The following FSTL5 variants were observed in gnomAD, a reference collection of about 807,000 sequenced individuals.
FSTL5 encodes follistatin-related protein 5.
FSTL5 carries 62 observed loss-of-function variants against 89.1 expected under a neutral mutation model. The observed-to-expected ratio is 0.70, with a 90% CI of 0.57 to 0.86. The LOEUF (loss-of-function observed/expected upper bound fraction) is 0.86, where lower values mean the gene tolerates loss of function less well. Ranked by LOEUF, FSTL5 falls within the 40% of genes least tolerant of loss-of-function variation. FSTL5 has a pLI of 0.00. For synonymous variants in FSTL5, 383 were observed against 346.2 expected (o/e 1.11, Z -1.18); for missense variants, 1,057 against 1,001.6 (o/e 1.06, Z -0.75).
chr4:162,143,813 CACACACATACAA>C (rs1241614107), intron 1 of FSTL5, among the ~76,000 whole-genome samples: 78 of 144,412 alleles, frequency 5.4e-4, no homozygotes, highest in Middle Eastern at 3.5e-3. Flanking sequence ...CACACACACA[CACACACATACAA>C]ACACACACGG....
chr4:161,857,582 T>G (rs1306706331), intron 4 of FSTL5, among the ~76,000 whole-genome samples: 1 of 152,160 alleles, frequency 6.6e-6, no homozygotes, highest in Non-Finnish European at 1.5e-5. Context: ...CAAATATATC[T>G]CTGCAAGCCT....
At chr4:161,567,040 T>C (rs1732841098) in intron 8 of FSTL5, among the ~76,000 whole-genome samples, 2 of 152,104 alleles carry the variant, frequency 1.3e-5, no homozygotes, top group South Asian at 2.1e-4. Context: ...TACAATAAAG[T>C]ATGCTAAATA....
chr4:161,750,561 A>G (rs1189381045), intron 6 of FSTL5, among the ~76,000 whole-genome samples: 2 of 152,038 alleles, frequency 1.3e-5, no homozygotes, highest in African/African-American at 4.8e-5. Flanking sequence ...TTTTTTGTTT[A>G]TATTATGTTT....
intron 15 of FSTL5, among the ~76,000 whole-genome samples, chr4:161,441,809 C>T (rs1419581631): frequency 6.6e-6 from 1 of 152,044 alleles, no homozygotes; most frequent in Non-Finnish European, 1.5e-5. Context: ...TGAATTTTCT[C>T]TTCTTGGTAG....
chr4:162,088,212 CTTA>C, intron 2 of FSTL5, among the ~76,000 whole-genome samples: 1 of 110,448 alleles, frequency 9.1e-6, no homozygotes, highest in East Asian at 2.5e-4. Context: ...CAAATTGTGA[CTTA>C]TTAATAATAT....
At chr4:161,963,587 C>T (rs2110987202) in intron 3 of FSTL5, among the ~76,000 whole-genome samples, 1 of 152,002 alleles carries the variant, frequency 6.6e-6, no homozygotes, top group Middle Eastern at 3.4e-3. Context: ...TTTCTTTAAC[C>T]TGTATGCTTC....
chr4:161,647,197 C>T (rs1003171026), intron 7 of FSTL5, among the ~76,000 whole-genome samples: 8 of 152,028 alleles, frequency 5.3e-5, no homozygotes, highest in Admixed American at 3.9e-4. Flanking sequence ...GACAAAAGTC[C>T]AACCTGATAC....
chr4:161,605,047 G>C (rs970745507), intron 7 of FSTL5, among the ~76,000 whole-genome samples: 30 of 152,108 alleles, frequency 2.0e-4, no homozygotes, highest in Admixed American at 3.9e-4. Flanking sequence ...GCCAAGCTAA[G>C]AAAACAAATG....
At chr4:161,610,718 A>G (rs1278171169) in intron 7 of FSTL5, among the ~76,000 whole-genome samples, 2 of 152,164 alleles carry the variant, frequency 1.3e-5, no homozygotes. Context: ...TTGAAATGAT[A>G]AAGGGAGCCT....
chr4:161,705,950 GTGTATATATATATATA>G (rs1483518963), intron 6 of FSTL5, among the ~76,000 whole-genome samples: 14 of 18,606 alleles, frequency 7.5e-4, no homozygotes, highest in African/African-American at 1.7e-3. Flanking sequence ...GTGTAGATGT[GTGTATATATATATATA>G]TATATATATA....
At chr4:161,644,719 G>A (rs1736087041) in intron 7 of FSTL5, among the ~76,000 whole-genome samples, 1 of 152,078 alleles carries the variant, frequency 6.6e-6, no homozygotes. Context: ...GGATTTTAAA[G>A]GGAAAGTGAA....
chr4:161,769,849 A>C (rs1741146779), intron 5 of FSTL5, among the ~76,000 whole-genome samples: 1 of 151,942 alleles, frequency 6.6e-6, no homozygotes, highest in Non-Finnish European at 1.5e-5. Flanking sequence ...ATTTGGAAAG[A>C]AAGAAGTCAA....
chr4:161,717,092 T>G (rs1279521721), intron 6 of FSTL5, among the ~76,000 whole-genome samples: 2 of 152,310 alleles, frequency 1.3e-5, no homozygotes, highest in East Asian at 3.9e-4. Flanking sequence ...TTTAGATAAT[T>G]GTTTTTGGTA....
chr4:161,461,852 C>A lies in FSTL5; in HGVS notation c.1609-2533G>T, dbSNP rs1484819856. Among the ~76,000 whole-genome samples, 7 of 151,858 alleles carry A rather than the reference C, an allele frequency of 4.6e-5. No individual in the cohort carries two copies. In the East Asian group the frequency reaches 1.3e-3, roughly 29 times the overall value. ...TGTGTGAATGTAATAGCCTATTTTGCATGCAGCTTTAAATGGAATAATCTT... is the reference window on the plus strand; with the variant it reads ...TGTGTGAATGTAATAGCCTATTTTGAATGCAGCTTTAAATGGAATAATCTT... On this transcript the variant is annotated intron_variant, in intron 13 of 15. Coordinates refer to ENST00000306100, the MANE Select transcript of FSTL5 (RefSeq NM_020116.5).
intron 4 of FSTL5, among the ~76,000 whole-genome samples, chr4:161,781,101 G>A (rs1365028804): frequency 1.3e-5 from 2 of 149,438 alleles, no homozygotes; most frequent in Non-Finnish European, 3.0e-5. Flanking sequence ...TGTAGAAACT[G>A]TTTTTCCTCA....
chr4:161,465,517 T>A (rs946099444), intron 13 of FSTL5, among the ~76,000 whole-genome samples: 2 of 152,082 alleles, frequency 1.3e-5, no homozygotes, highest in African/African-American at 4.8e-5. Flanking sequence ...CCAACTCTGG[T>A]CACAAGCAAT....
intron 3 of FSTL5, among the ~76,000 whole-genome samples, chr4:161,944,547 T>G (rs1408769904): frequency 6.6e-6 from 1 of 151,894 alleles, no homozygotes; most frequent in Non-Finnish European, 1.5e-5. Flanking sequence ...CAAGGTCAAA[T>G]GATGTCAGAC....
intron 8 of FSTL5, among the ~76,000 whole-genome samples, chr4:161,543,705 T>C (rs781319618): frequency 9.9e-5 from 15 of 151,846 alleles, no homozygotes; most frequent in Non-Finnish European, 5.9e-5. Context: ...GAAAACCACA[T>C]GCAAGAAAAT....
At chr4:161,719,989 C>T (rs370731435) in intron 6 of FSTL5, among the ~76,000 whole-genome samples, 1 of 152,054 alleles carries the variant, frequency 6.6e-6, no homozygotes, top group East Asian at 1.9e-4. Context: ...TTGACATTGG[C>T]CTTGGCAAAC....
Sources: allele counts gnomAD v4.1 joint callset (sites outside exome capture counted in the v4.1 genomes callset), GRCh38; gene constraint gnomAD v4.1.1; transcripts MANE v1.5; gene names NCBI Gene and HGNC (gene_info 2026-07-23, HGNC 2026-07-21).